Variants in GMPR observed in about 807,000 individuals in gnomAD.
GMPR encodes guanosine monophosphate reductase, also known as GMP reductase 1.
In GMPR, 31 loss-of-function variants were observed where a neutral mutation model predicts 38.4. That is an observed-to-expected ratio of 0.81 (90% confidence interval 0.61 to 1.09). The LOEUF (loss-of-function observed/expected upper bound fraction) is 1.09, where lower values mean the gene tolerates loss of function less well. Among genes scored for constraint, GMPR ranks in the 50% least tolerant of loss-of-function variants. The pLI is 0.00. For missense variants in GMPR, 468 were observed against 453.7 expected, an observed-to-expected ratio of 1.03 and a Z score of -0.29; for synonymous variants, 162 against 173.3, an observed-to-expected ratio of 0.93 and a Z score of 0.51.
At chr6:16,266,569 G>A (rs1373802040) in intron 4 of GMPR, among the ~76,000 whole-genome samples, 3 of 151,400 alleles carry the variant, frequency 2.0e-5, no homozygotes, top group Non-Finnish European at 2.9e-5. Flanking sequence ...TTGGGAGGCC[G>A]AGATGGGTGG....
chr6:16,266,264 C>G lies in GMPR; in HGVS notation c.466-8151C>G, dbSNP rs181916753. On this transcript the variant is annotated intron_variant, in intron 4 of 8. Coordinates refer to ENST00000259727, the MANE Select transcript of GMPR (RefSeq NM_006877.4). Reference sequence around the variant, plus strand: ...CCTTTAAGAGCTGTAACACTCACTGCGAAGGTCTGAGGCTTCATTCCTGAA... The same window carrying G: ...CCTTTAAGAGCTGTAACACTCACTGGGAAGGTCTGAGGCTTCATTCCTGAA... 4.9e-3 allele frequency among the ~76,000 whole-genome samples: 733 copies of G among 150,804 alleles called. 2 individuals are homozygous for G. The highest frequency in any genetic ancestry group is 0.017 in the African/African-American group (690 of 40,874).
chr6:16,289,847 A>AT (rs1438743321), intron 7 of GMPR: 2 of 90,124 alleles, frequency 2.2e-5, no homozygotes, highest in Admixed American at 1.2e-4. Flanking sequence ...GATACTGCCC[A>AT]ATTTTTTTTT....
intron 4 of GMPR, among the ~76,000 whole-genome samples, chr6:16,266,506 T>C (rs891352004): frequency 6.7e-6 from 1 of 149,604 alleles, no homozygotes; most frequent in Non-Finnish European, 1.5e-5. Flanking sequence ...GTGCCACCTT[T>C]AAGAGCTGTA....
intron 7 of GMPR, chr6:16,289,709 C>G (rs1759795447): frequency 6.6e-6 from 1 of 151,950 alleles, no homozygotes; most frequent in South Asian, 2.1e-4. Flanking sequence ...TGTTCTGAGG[C>G]TTTTTCCTGA....
At chr6:16,269,890 G>A (rs1178394332) in intron 4 of GMPR, among the ~76,000 whole-genome samples, 1 of 152,218 alleles carries the variant, frequency 6.6e-6, no homozygotes, top group Non-Finnish European at 1.5e-5. Context: ...GGTATCTGGT[G>A]AGGGCCGGCT....
At chr6:16,281,568 T>C (rs2113698989) in intron 6 of GMPR, among the ~76,000 whole-genome samples, 1 of 152,286 alleles carries the variant, frequency 6.6e-6, no homozygotes, top group Admixed American at 6.5e-5. Context: ...TGCAGTGGCA[T>C]GATCTCAGCT....
Position 16,247,001 on chromosome 6 carries a change from C to T in GMPR, c.207+40C>T. The T allele has an allele frequency of 3.8e-6, 6 of 1,599,456 alleles. No homozygotes were observed. In the Middle Eastern group the frequency reaches 6.9e-4, roughly 183 times the overall value. On this transcript the variant is annotated intron_variant, in intron 2 of 8. Transcript: ENST00000259727. ...TTTTGTTTTTTCCCTTTGCTGCTCA[C>T]ACTGTGGACAGGTTATCAGGAGCCG...
chr6:16,275,293 C>G (rs377106208), intron 5 of GMPR, among the ~76,000 whole-genome samples: 7 of 152,178 alleles, frequency 4.6e-5, no homozygotes, highest in African/African-American at 1.7e-4. Context: ...AATCTCATAC[C>G]CAAATGACAC....
At position 16,295,058 on chromosome 6, in the gene GMPR, A is replaced by G; in HGVS notation, c.910A>G (p.Thr304Ala). The G allele has an allele frequency of 1.2e-6, 2 of 1,608,850 alleles. No individual in the cohort carries two copies. The highest frequency in any genetic ancestry group is 1.7e-6 in the Non-Finnish European group (2 of 1,177,816). Residue 304 changes from threonine to alanine, a missense_variant, in exon 9 of 9, where the codon ACT becomes GCT. Transcript: ENST00000259727. ...TCCTTACAAAGGAGATGTGGAAAACACTATCCTGGATATTCTCGGGGGACT... is the reference window on the plus strand; with the variant it reads ...TCCTTACAAAGGAGATGTGGAAAACGCTATCCTGGATATTCTCGGGGGACT... ...EVPYKGDVEN[T>A]ILDILGGLRS...
intron 1 of GMPR, among the ~76,000 whole-genome samples, chr6:16,240,505 G>A (rs1265591231): frequency 6.6e-6 from 1 of 152,204 alleles, no homozygotes; most frequent in Non-Finnish European, 1.5e-5. Flanking sequence ...GGGCAGTGGT[G>A]CTCACCTGTA....
At chr6:16,285,868 G>A (rs759222630) in intron 7 of GMPR, 33 bp downstream of exon 7, 39 of 1,568,800 alleles carry the variant, frequency 2.5e-5, no homozygotes, top group Non-Finnish European at 3.3e-5. Context: ...AGGGAGGGAA[G>A]GAAGGAAGGA....
At chr6:16,276,251 C>T (rs1308148695) in intron 5 of GMPR, among the ~76,000 whole-genome samples, 3 of 151,958 alleles carry the variant, frequency 2.0e-5, no homozygotes, top group African/African-American at 4.8e-5. Context: ...CTCACTGCAA[C>T]CTTCGCCTCA....
At chr6:16,290,272 C>T (rs1462629645) in intron 7 of GMPR, 190 bp from the exon 8 acceptor site, 4 of 651,494 alleles carry the variant, frequency 6.1e-6, no homozygotes, top group Non-Finnish European at 8.3e-6. Context: ...TGTCCCATGG[C>T]CCTTTCTCCC....
chr6:16,274,605 G>A (rs1759444462), intron 5 of GMPR, 109 bp downstream of exon 5: 6 of 675,706 alleles, frequency 8.9e-6, no homozygotes, highest in African/African-American at 3.6e-5. Context: ...CTCATTCACA[G>A]ATATTTAAAG....
intron 4 of GMPR, among the ~76,000 whole-genome samples, chr6:16,265,685 A>G (rs1759184514): frequency 6.7e-6 from 1 of 150,138 alleles, no homozygotes; most frequent in African/African-American, 2.4e-5. Flanking sequence ...AAACGCACCA[A>G]TCAGCACTCT....
rs376974057 is a variant in GMPR at position 16,295,199 on chromosome 6, A to C, written c.*13A>C. ...CGTGTTCAGCTAACCCTGGGGACAA[A>C]GCAGCGTCTGGCTCGAGTGGAAGCG... On this transcript the variant is annotated 3_prime_UTR_variant, in exon 9 of 9. Transcript: ENST00000259727. The C allele has an allele frequency of 2.0e-6, 3 of 1,493,362 alleles. No homozygotes were observed. The African/African-American group carries it at 4.4e-5, about 22-fold the overall frequency. 92.5% of individuals were successfully genotyped at this position (1,493,362 alleles called of 1,614,324 possible).
chr6:16,278,658 C>T, intron 5 of GMPR, 126 bp from the exon 6 acceptor site: 1 of 728,808 alleles, frequency 1.4e-6, no homozygotes, highest in South Asian at 1.5e-5. Context: ...TTCCCCACAT[C>T]TCCTCTGCCA....
Position 16,250,065 on chromosome 6 carries a change from G to A in GMPR, c.208-219G>A, listed in dbSNP as rs141747164. Among the ~76,000 whole-genome samples the A allele has an allele frequency of 5.3e-5, 8 of 152,300 alleles. No individual in the cohort carries two copies. The East Asian group carries it at 9.6e-4, about 18-fold the overall frequency. On this transcript the variant is annotated intron_variant, in intron 2 of 8. Coordinates refer to ENST00000259727, the MANE Select transcript of GMPR (RefSeq NM_006877.4). ...GCAGAGCCTCCCTAGTCCTGAATGC[G>A]GTATTGTCTAACCAGATTAGAATGG...
At chr6:16,251,495 C>T (rs903920078) in intron 3 of GMPR, among the ~76,000 whole-genome samples, 30 of 152,148 alleles carry the variant, frequency 2.0e-4, no homozygotes, top group African/African-American at 6.0e-4. Flanking sequence ...GCTTTAACCC[C>T]GGAGGCAGAG....
Sources: allele counts gnomAD v4.1 joint callset (sites outside exome capture counted in the v4.1 genomes callset), GRCh38; gene constraint gnomAD v4.1.1; transcripts MANE v1.5; gene names NCBI Gene and HGNC (gene_info 2026-07-23, HGNC 2026-07-21).